The following SLC5A12 variants were observed in gnomAD, a reference collection of about 807,000 sequenced individuals.
The protein encoded by SLC5A12 is sodium-coupled monocarboxylate transporter 2.
In SLC5A12, 46 loss-of-function variants were observed where a neutral mutation model predicts 72.7. The observed-to-expected ratio is 0.63, with a 90% confidence interval of 0.50 to 0.81. The LOEUF (loss-of-function observed/expected upper bound fraction) is 0.81, where lower values mean the gene tolerates loss of function less well. Ranked by LOEUF, SLC5A12 falls within the 30% of genes least tolerant of loss-of-function variation. SLC5A12 has a pLI of 0.00. For synonymous variants in SLC5A12, 275 were observed against 264.4 expected (o/e 1.04, Z -0.39); for missense variants, 683 against 740.7 (o/e 0.92, Z 0.90).
chr11:26,699,106 A>AAAT (rs1854898023), intron 6 of SLC5A12, among the ~76,000 whole-genome samples: 1 of 152,224 alleles, frequency 6.6e-6, no homozygotes, highest in Non-Finnish European at 1.5e-5. Context: ...TTTTATTTTA[A>AAAT]AACCCACAGA....
chr11:26,695,019 A>T (rs1218335560), intron 8 of SLC5A12, among the ~76,000 whole-genome samples: 1 of 152,010 alleles, frequency 6.6e-6, no homozygotes, highest in Non-Finnish European at 1.5e-5. Context: ...TGCATCTATT[A>T]AAAACAAAGA....
intron 8 of SLC5A12, among the ~76,000 whole-genome samples, chr11:26,696,623 C>G (rs1353292033): frequency 6.6e-6 from 1 of 152,184 alleles, no homozygotes; most frequent in Non-Finnish European, 1.5e-5. Context: ...GTCCTGAATA[C>G]TGTAGGCAAT....
At chr11:26,679,103 C>T (rs1416712405) in intron 12 of SLC5A12, among the ~76,000 whole-genome samples, 4 of 151,894 alleles carry the variant, frequency 2.6e-5, no homozygotes, top group East Asian at 3.9e-4. Flanking sequence ...ATTCTTCAGA[C>T]TTTTATTAAG....
At chr11:26,718,487 T>C (rs996218236) in intron 1 of SLC5A12, among the ~76,000 whole-genome samples, 10 of 152,076 alleles carry the variant, frequency 6.6e-5, no homozygotes, top group Middle Eastern at 3.2e-3. Flanking sequence ...AAAGACAGAG[T>C]CTCACTCTGT....
chr11:26,667,583 G>A lies in SLC5A12; in HGVS notation c.*3519C>T, dbSNP rs2133119079. Reference sequence around the variant, plus strand: ...ATAGTTGCTTTGAACTGTGCAATGAGTAATAAACTTGGGTTGAGATGCTGT... The same window carrying A: ...ATAGTTGCTTTGAACTGTGCAATGAATAATAAACTTGGGTTGAGATGCTGT... On this transcript the variant is annotated 3_prime_UTR_variant, in exon 15 of 15. Coordinates refer to ENST00000396005, the MANE Select transcript of SLC5A12 (RefSeq NM_178498.4). 1 of 152,010 alleles carries A rather than the reference G, an allele frequency of 6.6e-6. No homozygotes were observed. The highest frequency in any genetic ancestry group is 1.9e-4 in the East Asian group (1 of 5,174). The allele number at this position is 152,010 out of a possible 1,614,324, so 9.4% of individuals were successfully genotyped here. A position where few individuals can be genotyped will look rare whatever the true frequency, so the allele number is the denominator to read the frequency against.
In SLC5A12 at chr11:26,692,530, T is replaced by C; in HGVS notation, c.1112A>G (p.His371Arg). 6.2e-7 allele frequency: 1 copy of C among 1,613,988 alleles called. No individual in the cohort carries two copies. Among genetic ancestry groups the C allele is most frequent in the Non-Finnish European group, 8.5e-7 (1 of 1,179,896 alleles). ...CCAGGTGCTCAGCTTGTCGGAGAGA[T>C]GAGGAAAACAGCTCTTGACAAAATC... ...FEDFVKSCFP[H>R]LSDKLSTWIS... Residue 371 changes from histidine (H) to arginine (R), a missense_variant, in exon 9 of 15, where the codon CAT becomes CGT. Coordinates refer to ENST00000396005, the MANE Select transcript of SLC5A12 (RefSeq NM_178498.4).
chr11:26,705,781 G>T (rs1007188564), intron 4 of SLC5A12, among the ~76,000 whole-genome samples: 2 of 152,120 alleles, frequency 1.3e-5, no homozygotes, highest in Admixed American at 6.6e-5. Context: ...ACTTGGCATT[G>T]GTTGTGCAGA....
In SLC5A12 at chr11:26,671,672, T is replaced by C. The variant is rs567769108; in HGVS notation, c.1708-421A>G. On this transcript the variant is annotated intron_variant, in intron 14 of 14. Coordinates refer to ENST00000396005, the MANE Select transcript of SLC5A12 (RefSeq NM_178498.4). ...ATGCACAAACTCCCCTGGATGCTGC[T>C]CAACATTATTTTTTGGCAAAGGAGC... 1.8e-4 allele frequency among the ~76,000 whole-genome samples: 27 copies of C among 152,224 alleles called. No individual in the cohort carries two copies. In the South Asian group the frequency reaches 4.6e-3, roughly 26 times the overall value.
At chr11:26,719,053 C>G (rs114994071) in intron 1 of SLC5A12, among the ~76,000 whole-genome samples, 1 of 152,040 alleles carries the variant, frequency 6.6e-6, no homozygotes, top group Non-Finnish European at 1.5e-5. Flanking sequence ...TACATAATTG[C>G]AATTGGTTTA....
Position 26,711,360 on chromosome 11 carries a change from T to A in SLC5A12, c.406-2A>T, listed in dbSNP as rs1407242424. On this transcript the variant is annotated splice_acceptor_variant, in intron 2 of 14. Coordinates refer to ENST00000396005, the MANE Select transcript of SLC5A12 (RefSeq NM_178498.4). LOFTEE classifies it high-confidence loss of function. ...CACCACCACTCCTGTGTAGAGAATC[T>A]GGTAGAGAAACAAGAATCAGATTGG... The A allele has an allele frequency of 6.2e-7, 1 of 1,611,064 alleles. No individual in the cohort carries two copies. Among genetic ancestry groups the A allele is most frequent in the Non-Finnish European group, 8.5e-7 (1 of 1,178,080 alleles).
chr11:26,714,295 T>C (rs531650248), intron 1 of SLC5A12, among the ~76,000 whole-genome samples: 1 of 152,266 alleles, frequency 6.6e-6, no homozygotes, highest in South Asian at 2.1e-4. Flanking sequence ...GTTACCTGCT[T>C]TACATATTGC....
intron 12 of SLC5A12, among the ~76,000 whole-genome samples, chr11:26,679,625 T>C (rs10767567): frequency 0.86 from 130,093 of 152,080 alleles, 56,040 homozygotes; most frequent in Non-Finnish European, 0.91. Flanking sequence ...CACTAAAATA[T>C]ATTCATGTAA....
chr11:26,692,280 T>C (rs1854698672), intron 9 of SLC5A12: 1 of 543,116 alleles, frequency 1.8e-6, no homozygotes, highest in African/African-American at 1.9e-5. Context: ...TATCTGAAAA[T>C]AAAGGCAGTT....
At chr11:26,696,759 CTG>C (rs1854825836) in intron 8 of SLC5A12, among the ~76,000 whole-genome samples, 1 of 152,104 alleles carries the variant, frequency 6.6e-6, no homozygotes, top group Non-Finnish European at 1.5e-5. Flanking sequence ...ATGTGGCAGA[CTG>C]TATATATTGT....
chr11:26,673,672 G>A, intron 13 of SLC5A12, 143 bp from the exon 14 acceptor site: 2 of 1,101,598 alleles, frequency 1.8e-6, no homozygotes, highest in Non-Finnish European at 1.2e-6. Context: ...AACAGAAATT[G>A]GTTAACTGCT....
intron 8 of SLC5A12, 94 bp from the exon 9 acceptor site, chr11:26,692,695 C>T: frequency 1.3e-6 from 1 of 769,640 alleles, no homozygotes. Context: ...TAAGGCAGGC[C>T]TCTAGAAAAA....
intron 11 of SLC5A12, among the ~76,000 whole-genome samples, chr11:26,682,701 A>T (rs1055170708): frequency 6.6e-6 from 1 of 152,204 alleles, no homozygotes; most frequent in Admixed American, 6.5e-5. Flanking sequence ...AAAAAACTAC[A>T]ATGTACTAAC....
intron 13 of SLC5A12, among the ~76,000 whole-genome samples, chr11:26,673,909 T>C (rs777471724): frequency 6.6e-6 from 1 of 152,114 alleles, no homozygotes; most frequent in Non-Finnish European, 1.5e-5. Flanking sequence ...ATATTTGAGA[T>C]CATCTAAGTC....
chr11:26,702,485 T>C (rs1854982003), intron 6 of SLC5A12, among the ~76,000 whole-genome samples: 1 of 152,142 alleles, frequency 6.6e-6, no homozygotes, highest in Non-Finnish European at 1.5e-5. Flanking sequence ...AGTATCCTGG[T>C]TAGGCTGGGG....
Sources: gnomAD v4.1 joint callset for allele counts (sites outside exome capture counted in the v4.1 genomes callset) on GRCh38, gnomAD v4.1.1 for gene constraint, MANE v1.5 for transcripts, NCBI Gene and HGNC (gene_info 2026-07-23, HGNC 2026-07-21) for gene names.